NUP62: variants seen among roughly 807,000 people sequenced by gnomAD.
The protein encoded by NUP62 is nucleoporin 62.
For synonymous variants in NUP62, 305 were observed against 303.4 expected (o/e 1.01, Z -0.05); for missense variants, 647 against 689.4 (o/e 0.94, Z 0.69).
chr19:49,925,210 G>A (rs1040275747), intron 2 of NUP62, among the ~76,000 whole-genome samples: 3 of 151,998 alleles, frequency 2.0e-5, no homozygotes, highest in South Asian at 2.1e-4. Context: ...GCGGTGAGCC[G>A]AGATGGCACC....
At position 49,908,553 on chromosome 19, in the gene NUP62, C is replaced by T. The variant is rs755999151; in HGVS notation, c.1255G>A (p.Gly419Arg). The T allele has an allele frequency of 8.7e-6, 14 of 1,614,194 alleles. No homozygotes were observed. Among genetic ancestry groups the T allele is most frequent in the East Asian group, 2.2e-5 (1 of 44,888 alleles). The change falls in exon 3 of 3, where the codon GGG becomes AGG. Residue 419 changes from glycine (G) to arginine (R), a missense_variant. Coordinates refer to ENST00000352066, the MANE Select transcript of NUP62 (RefSeq NM_016553.5). ...PLEELVKEQS[G>R]TIYLQHADEE... ...TCCGCGTGCTGCAGGTAGATGGTCC[C>T]GCTCTGCTCCTTGACCAACTCCTCC...
chr19:49,909,502 T>C lies in NUP62; in HGVS notation c.306A>G (p.Thr102=). The C allele has an allele frequency of 6.2e-7, 1 of 1,614,138 alleles. No homozygotes were observed. The highest frequency in any genetic ancestry group is 1.1e-5 in the South Asian group (1 of 91,084). ...IGASKLNLSN[T]AATPAMANPS... Reference sequence around the variant, plus strand: ...GGTTTGCCATGGCTGGGGTGGCAGCTGTGTTGCTCAAGTTGAGCTTTGAAG... The same window carrying C: ...GGTTTGCCATGGCTGGGGTGGCAGCCGTGTTGCTCAAGTTGAGCTTTGAAG... The change falls in exon 3 of 3, where the codon ACA becomes ACG. Residue 102 remains threonine, a synonymous_variant. Transcript: ENST00000352066.
At chr19:49,915,676 G>A (rs1166690433) in intron 2 of NUP62, among the ~76,000 whole-genome samples, 1 of 152,232 alleles carries the variant, frequency 6.6e-6, no homozygotes, top group Non-Finnish European at 1.5e-5. Flanking sequence ...GAGCAGAGCT[G>A]GGGTTGAGAA....
rs777069191 is a variant in NUP62, at chr19:49,908,320, C to T, written c.1488G>A (p.Gln496=). Residue 496 remains glutamine, a synonymous_variant, in exon 3 of 3, where the codon CAG becomes CAA. Transcript: ENST00000352066. Reference sequence around the variant, plus strand: ...CCTTGGTCACCTCCTCCACCTTCCTCTGCAGCAGGGCCGAGTTCTGGTCGA... The same window carrying T: ...CCTTGGTCACCTCCTCCACCTTCCTTTGCAGCAGGGCCGAGTTCTGGTCGA... ...QWIDQNSALL[Q]RKVEEVTKVC... 1 of 1,614,170 alleles carries T rather than the reference C, an allele frequency of 6.2e-7. No homozygotes were observed. The highest frequency in any genetic ancestry group is 8.5e-7 in the Non-Finnish European group (1 of 1,180,042).
At chr19:49,927,206 G>C (rs1336662042) in intron 2 of NUP62, among the ~76,000 whole-genome samples, 1 of 152,044 alleles carries the variant, frequency 6.6e-6, no homozygotes, top group Non-Finnish European at 1.5e-5. Context: ...AGGGGAAACT[G>C]AGGCACAGGG....
intron 2 of NUP62, among the ~76,000 whole-genome samples, chr19:49,915,818 G>T (rs986826409): frequency 1.3e-5 from 2 of 152,304 alleles, no homozygotes; most frequent in South Asian, 4.1e-4. Flanking sequence ...CAGGACTGTG[G>T]ATGTGTGTGG....
In NUP62 at chr19:49,908,602, C is replaced by T; in HGVS notation, c.1206G>A (p.Glu402=). The T allele has an allele frequency of 6.2e-7, 1 of 1,614,008 alleles. No homozygotes were observed. The highest frequency in any genetic ancestry group is 8.5e-7 in the Non-Finnish European group (1 of 1,180,036). Residue 402 remains glutamate (E), a synonymous_variant, in exon 3 of 3, where the codon GAG becomes GAA. Transcript: ENST00000352066. ...ELDFILSQQK[E]LEDLLSPLEE... ...CCAGTGGGCTCAGCAGGTCTTCCAG[C>T]TCCTTCTGCTGGGACAGGATGAAGT...
chr19:49,908,474 T>C lies in NUP62; in HGVS notation c.1334A>G (p.Lys445Arg), dbSNP rs934276321. ...KLAENIDAQL[K>R]RMAQDLKDII... ...GTCCTTGAGATCCTGGGCCATGCGC[T>C]TGAGCTGTGCATCGATGTTCTCAGC... Residue 445 changes from lysine to arginine, a missense_variant, in exon 3 of 3, where the codon AAG becomes AGG. Lys to Arg is a conservative substitution (Grantham distance 26). Coordinates refer to ENST00000352066, the MANE Select transcript of NUP62 (RefSeq NM_016553.5). 5.0e-6 allele frequency: 8 copies of C among 1,614,148 alleles called. No homozygotes were observed. Among genetic ancestry groups the C allele is most frequent in the Non-Finnish European group, 6.8e-6 (8 of 1,180,032 alleles).
chr19:49,922,052 C>A (rs2075777262), intron 2 of NUP62, among the ~76,000 whole-genome samples: 1 of 152,226 alleles, frequency 6.6e-6, no homozygotes, highest in Non-Finnish European at 1.5e-5. Flanking sequence ...TCAACACAGA[C>A]AACATGATGT....
intron 2 of NUP62, among the ~76,000 whole-genome samples, chr19:49,914,264 T>C (rs1412027567): frequency 1.3e-5 from 2 of 152,164 alleles, no homozygotes; most frequent in Non-Finnish European, 2.9e-5. Context: ...GGGGAGAGTT[T>C]CCTTACCAAA....
At position 49,909,416 on chromosome 19, in the gene NUP62, G is replaced by T; in HGVS notation, c.392C>A (p.Ser131Tyr). 1.2e-6 allele frequency: 2 copies of T among 1,613,880 alleles called. No homozygotes were observed. The highest frequency in any genetic ancestry group is 2.2e-5 in the South Asian group (2 of 91,084). ...GCCGGTGGGTGCTGTGCCCTGGCTG[G>T]AGGTGACGGTGCTCGATATGGCATT... ...LTNAISSTVT[S>Y]SQGTAPTGFV... The change falls in exon 3 of 3, where the codon TCC becomes TAC. Residue 131 changes from serine to tyrosine, a missense_variant. Transcript: ENST00000352066.
rs749819907 is a variant in NUP62, at chr19:49,909,859, C to A, written c.-52G>T. On this transcript the variant is annotated 5_prime_UTR_variant, in exon 3 of 3. Transcript: ENST00000352066. Reference sequence around the variant, plus strand: ...ACTCTGGCTCCCAAAGCAAATCCGTCGGTGTCTGCAGCCTTGGGAAGATTT... The same window carrying A: ...ACTCTGGCTCCCAAAGCAAATCCGTAGGTGTCTGCAGCCTTGGGAAGATTT... 1.9e-6 allele frequency: 3 copies of A among 1,580,968 alleles called. No individual in the cohort carries two copies. The highest frequency in any genetic ancestry group is 2.6e-6 in the Non-Finnish European group (3 of 1,152,228).
At chr19:49,917,269 C>A (rs1049116218) in intron 2 of NUP62, among the ~76,000 whole-genome samples, 1 of 152,224 alleles carries the variant, frequency 6.6e-6, no homozygotes, top group African/African-American at 2.4e-5. Flanking sequence ...CCCTCACTTG[C>A]CCTCCCGTGG....
rs1304744738 is a variant in NUP62, at chr19:49,921,501, C to T, written c.-78+6193G>A. ...ATGATCCGCCCGCCCCAGCTGCAGACGATGGCCTGAGACGCCTGCAGGGAA... is the reference window on the plus strand; with the variant it reads ...ATGATCCGCCCGCCCCAGCTGCAGATGATGGCCTGAGACGCCTGCAGGGAA... On this transcript the variant is annotated intron_variant, in intron 2 of 2. Transcript: ENST00000352066. The surrounding 1 kb of genome is among the most constrained non-coding windows in gnomAD (Gnocchi z 5.4). Among the ~76,000 whole-genome samples, 2 of 152,060 alleles carry T rather than the reference C, an allele frequency of 1.3e-5. No homozygotes were observed. Among genetic ancestry groups the T allele is most frequent in the African/African-American group, 4.8e-5 (2 of 41,430 alleles).
At position 49,907,955 on chromosome 19, in the gene NUP62, CTGAGCCAGGA is replaced by C; in HGVS notation, c.*274_*283del. 1.8e-6 allele frequency: 1 copy of C among 558,992 alleles called. No homozygotes were observed. Among genetic ancestry groups the C allele is most frequent in the Non-Finnish European group, 3.1e-6 (1 of 323,172 alleles). The allele number at this position is 558,992 out of a possible 1,614,324, so 34.6% of individuals were successfully genotyped here. A position where few individuals can be genotyped will look rare whatever the true frequency, so the allele number is the denominator to read the frequency against. On this transcript the variant is annotated 3_prime_UTR_variant, in exon 3 of 3. Transcript: ENST00000352066. ...CCATCAGCACTTCTCCATCACCAGG[CTGAGCCAGGA>C]TGAGGTGGGTGGTCGCAGTAGGTGA...
chr19:49,924,373 GC>G (rs1272186529), intron 2 of NUP62, among the ~76,000 whole-genome samples: 3 of 152,126 alleles, frequency 2.0e-5, no homozygotes, highest in African/African-American at 7.2e-5. Context: ...CTCTTGCTGT[GC>G]GGGGGTTCTC....
chr19:49,924,013 TGA>T (rs2075824977), intron 2 of NUP62, among the ~76,000 whole-genome samples: 1 of 152,094 alleles, frequency 6.6e-6, no homozygotes, highest in South Asian at 2.1e-4. Context: ...GGGAAAGCAG[TGA>T]GGAGTTGCGG....
Position 49,921,240 on chromosome 19 carries a change from A to G in NUP62, c.-78+6454T>C, listed in dbSNP as rs2075758520. Among the ~76,000 whole-genome samples, 1 of 152,148 alleles carries G rather than the reference A, an allele frequency of 6.6e-6. No homozygotes were observed. Among genetic ancestry groups the G allele is most frequent in the Non-Finnish European group, 1.5e-5 (1 of 68,024 alleles). On this transcript the variant is annotated intron_variant, in intron 2 of 2. Transcript: ENST00000352066. The surrounding 1 kb of genome is among the most constrained non-coding windows in gnomAD (Gnocchi z 5.4). The stretch of plus-strand genomic sequence containing the variant: ...AAACTGAGAAAGGGGAGAGGACTTC[A>G]GTCACCTGCGTAAAGTCCCACAACC...
intron 2 of NUP62, among the ~76,000 whole-genome samples, chr19:49,924,150 C>T (rs964884072): frequency 3.9e-5 from 6 of 152,204 alleles, no homozygotes; most frequent in Admixed American, 6.5e-5. Flanking sequence ...ACACCATGGG[C>T]CTCGGGGCCC....
Sources: gnomAD v4.1 joint callset for allele counts (sites outside exome capture counted in the v4.1 genomes callset) on GRCh38, gnomAD v4.1.1 for gene constraint, Gnocchi (gnomAD v3.1) non-coding constraint, MANE v1.5 for transcripts, NCBI Gene and HGNC (gene_info 2026-07-23, HGNC 2026-07-21) for gene names.